TCP10L: variants seen among roughly 807,000 people sequenced by gnomAD.
The protein encoded by TCP10L is t-complex 10 like.
A neutral mutation model predicts 19.2 loss-of-function variants in TCP10L; 11 were observed. The observed-to-expected ratio is 0.57, with a 90% confidence interval of 0.36 to 0.95. The LOEUF is 0.95. Ranked by LOEUF, TCP10L falls within the 40% of genes least tolerant of loss-of-function variation. TCP10L has a pLI of 0.01. For missense variants in TCP10L, 247 were observed against 263.9 expected (o/e 0.94, Z 0.44); for synonymous variants, 96 against 97.2 (o/e 0.99, Z 0.07).
At chr21:32,579,687 G>A (rs2038470719) in intron 3 of TCP10L, among the ~76,000 whole-genome samples, 1 of 152,190 alleles carries the variant, frequency 6.6e-6, no homozygotes, top group Non-Finnish European at 1.5e-5. Flanking sequence ...GATCAAAACT[G>A]CAGGGCATGT....
In TCP10L at chr21:32,576,326, G is replaced by C. The variant is rs891435565; in HGVS notation, c.*448C>G. On this transcript the variant is annotated 3_prime_UTR_variant, in exon 5 of 5. Transcript: ENST00000300258. ...CTTCGGGAAGATGGATGCATAGCCT[G>C]GGGCAATGACAGTCACAGGCCCGCC... 4.6e-6 allele frequency: 7 copies of C among 1,523,098 alleles called. No homozygotes were observed. In the African/African-American group the frequency reaches 8.2e-5, roughly 18 times the overall value. The allele number at this position is 1,523,098 out of a possible 1,614,324, so 94.3% of individuals were successfully genotyped here. A position where few individuals can be genotyped will look rare whatever the true frequency, so the allele number is the denominator to read the frequency against.
At chr21:32,583,300 T>C (rs1369561654) in intron 2 of TCP10L, among the ~76,000 whole-genome samples, 4 of 151,490 alleles carry the variant, frequency 2.6e-5, no homozygotes, top group Non-Finnish European at 5.9e-5. Context: ...TTAAAAATTA[T>C]GGAAGCCGGC....
rs1601126508 is a variant in TCP10L, at chr21:32,582,520, C to A, written c.145-105G>T. 2.8e-6 allele frequency: 3 copies of A among 1,063,542 alleles called. No individual in the cohort carries two copies. The African/African-American group carries it at 4.8e-5, about 17-fold the overall frequency. The allele number at this position is 1,063,542 out of a possible 1,614,324, so 65.9% of individuals were successfully genotyped here. On this transcript the variant is annotated intron_variant, in intron 2 of 4. Coordinates refer to ENST00000300258, the MANE Select transcript of TCP10L (RefSeq NM_144659.7). This position sits in a 1 kb window ranked among gnomAD's most constrained non-coding sequence, Gnocchi z 4.2. ...CTCTGATGTAAGACCAACACTATTT[C>A]TGGAATAAAAGACACCCGATGAGAT...
At chr21:32,583,450 G>A (rs544050337) in intron 2 of TCP10L, among the ~76,000 whole-genome samples, 1 of 150,832 alleles carries the variant, frequency 6.6e-6, no homozygotes, top group Non-Finnish European at 1.5e-5. Context: ...TTAGCCGGGC[G>A]TAGTGGCGGG....
rs1041683467 is a variant in TCP10L at position 32,582,487 on chromosome 21, C to T, written c.145-72G>A. The stretch of plus-strand genomic sequence containing the variant: ...TGGGCACATTTATCTGCAAAATACT[C>T]AAGCCCTCTCTGATGTAAGACCAAC... On this transcript the variant is annotated intron_variant, in intron 2 of 4. Transcript: ENST00000300258. This position sits in a 1 kb window ranked among gnomAD's most constrained non-coding sequence, Gnocchi z 4.2. The T allele has an allele frequency of 9.8e-6, 14 of 1,428,338 alleles. No homozygotes were observed. Among genetic ancestry groups the T allele is most frequent in the Admixed American group, 2.1e-5 (1 of 48,384 alleles). The allele number at this position is 1,428,338 out of a possible 1,614,324, so 88.5% of individuals were successfully genotyped here. A position where few individuals can be genotyped will look rare whatever the true frequency, so the allele number is the denominator to read the frequency against.
At chr21:32,581,232 G>A (rs4547609) in intron 3 of TCP10L, among the ~76,000 whole-genome samples, 25,799 of 152,126 alleles carry the variant, frequency 0.17, 2,400 homozygotes, top group East Asian at 0.29. Flanking sequence ...GGGAGAGCCC[G>A]GTCACTGGGC....
chr21:32,582,561 A>T lies in TCP10L; in HGVS notation c.145-146T>A. The T allele has an allele frequency of 3.0e-6, 2 of 667,576 alleles. No homozygotes were observed. The highest frequency in any genetic ancestry group is 2.9e-5 in the East Asian group (1 of 34,054). The allele number at this position is 667,576 out of a possible 1,614,324, so 41.4% of individuals were successfully genotyped here. On this transcript the variant is annotated intron_variant, in intron 2 of 4. Coordinates refer to ENST00000300258, the MANE Select transcript of TCP10L (RefSeq NM_144659.7). This position sits in a 1 kb window ranked among gnomAD's most constrained non-coding sequence, Gnocchi z 4.2. Reference sequence around the variant, plus strand: ...CCGATGAGATAAACAGGACTACCACAGCCTTTTTCTTTCTTCTTTCTTTCC... The same window carrying T: ...CCGATGAGATAAACAGGACTACCACTGCCTTTTTCTTTCTTCTTTCTTTCC...
chr21:32,584,732 G>C (rs902727404), intron 1 of TCP10L, among the ~76,000 whole-genome samples: 1 of 152,046 alleles, frequency 6.6e-6, no homozygotes, highest in African/African-American at 2.4e-5. Flanking sequence ...AATGGTCTCA[G>C]GGTGTGAGCA....
chr21:32,579,562 T>C (rs1040125306), intron 3 of TCP10L, among the ~76,000 whole-genome samples: 1 of 152,228 alleles, frequency 6.6e-6, no homozygotes, highest in African/African-American at 2.4e-5. Context: ...AAATCAGGTA[T>C]GCTCTTGTGA....
intron 3 of TCP10L, among the ~76,000 whole-genome samples, chr21:32,579,604 G>A (rs545848866): frequency 1.3e-5 from 2 of 152,188 alleles, no homozygotes; most frequent in South Asian, 4.1e-4. Context: ...ATAGCCCCAC[G>A]GTGACCAGTG....
Position 32,575,735 on chromosome 21 carries a change from G to C in TCP10L, c.*1039C>G, listed in dbSNP as rs1399179945. ...TCCTGACTCAACCAGGGGCACTCTC[G>C]TCTCCTCCCCGTGAGACCCGCAATG... is the stretch of plus-strand genomic sequence containing the variant. On this transcript the variant is annotated 3_prime_UTR_variant, in exon 5 of 5. Coordinates refer to ENST00000300258, the MANE Select transcript of TCP10L (RefSeq NM_144659.7). 6.5e-6 allele frequency: 1 copy of C among 153,158 alleles called. No homozygotes were observed. The highest frequency in any genetic ancestry group is 2.4e-5 in the African/African-American group (1 of 41,472). 9.5% of individuals were successfully genotyped at this position (153,158 alleles called of 1,614,324 possible). A position where few individuals can be genotyped will look rare whatever the true frequency, so the allele number is the denominator to read the frequency against.
At chr21:32,577,629 C>T (rs2038449927) in intron 4 of TCP10L, 1 of 152,186 alleles carries the variant, frequency 6.6e-6, no homozygotes, top group Non-Finnish European at 1.5e-5. Context: ...TGACACAAAG[C>T]TGGGACAGGA....
At chr21:32,579,382 C>T (rs984812796) in intron 3 of TCP10L, among the ~76,000 whole-genome samples, 50 of 152,150 alleles carry the variant, frequency 3.3e-4, no homozygotes, top group African/African-American at 1.2e-3. Context: ...TTGCTATGAA[C>T]GAACCCTTAA....
chr21:32,584,199 C>T lies in TCP10L; in HGVS notation c.106G>A (p.Glu36Lys), dbSNP rs1332405308. 1.1e-5 allele frequency: 18 copies of T among 1,614,028 alleles called. No individual in the cohort carries two copies. The highest frequency in any genetic ancestry group is 1.7e-4 in the Middle Eastern group (1 of 6,052). Residue 36 changes from glutamate (E) to lysine (K), a missense_variant, in exon 2 of 5, where the codon GAG becomes AAG. Transcript: ENST00000300258. ...GTGTTGCAGTCCTCCGTGAGAACCT[C>T]GGCTGCCACAGCTGTCTTCTCCATG... is the stretch of plus-strand genomic sequence containing the variant. Reference protein sequence around the residue: ...AVMEKTAVAAEVLTEDCNTGE... With the variant: ...AVMEKTAVAAKVLTEDCNTGE...
rs145810413 is a variant in TCP10L at position 32,582,334 on chromosome 21, G to A, written c.226C>T (p.Arg76Trp). 35 of 1,613,950 alleles carry A rather than the reference G, an allele frequency of 2.2e-5. No individual in the cohort carries two copies. The highest frequency in any genetic ancestry group is 1.9e-4 in the African/African-American group (14 of 74,986). ...SLWADVHGKL[R>W]SHIDALREQN... is the part of the protein sequence containing the mutation. ...TCCCTCAAAGCATCTATATGACTCC[G>A]GAGTTTTCCATGAACATCAGCCCAC... is the stretch of plus-strand genomic sequence containing the variant. Residue 76 changes from arginine to tryptophan, a missense_variant, in exon 3 of 5, where the codon CGG becomes TGG. Coordinates refer to ENST00000300258, the MANE Select transcript of TCP10L (RefSeq NM_144659.7). The surrounding 1 kb of genome is among the most constrained non-coding windows in gnomAD (Gnocchi z 4.2).
rs776570174 is a variant in TCP10L at position 32,578,727 on chromosome 21, T to C, written c.465A>G (p.Gln155=). 8.1e-6 allele frequency: 13 copies of C among 1,614,034 alleles called. No individual in the cohort carries two copies. The highest frequency in any genetic ancestry group is 1.1e-5 in the Non-Finnish European group (13 of 1,180,042). The change falls in exon 4 of 5, where the codon CAA becomes CAG. Residue 155 remains glutamine (Q), a synonymous_variant. Coordinates refer to ENST00000300258, the MANE Select transcript of TCP10L (RefSeq NM_144659.7). This position sits in a 1 kb window ranked among gnomAD's most constrained non-coding sequence, Gnocchi z 4.2. ...HKNQSATLLG[Q]RSSSNNSAPP... ...GAGCTGAATTGTTAGATGACGATCT[T>C]TGTCCCAGGAGAGTGGCACTCTGAT... is the stretch of plus-strand genomic sequence containing the variant.
rs761904328 is a variant in TCP10L, at chr21:32,576,966, T to C, written c.499-43A>G. 9 of 1,570,840 alleles carry C rather than the reference T, an allele frequency of 5.7e-6. No homozygotes were observed. In the East Asian group the frequency reaches 1.8e-4, roughly 31 times the overall value. On this transcript the variant is annotated intron_variant, in intron 4 of 4. Transcript: ENST00000300258. ...AATATTTTTGCATTAGTAACAATTA[T>C]ATTATTTTTAAATGTTAAGCAACAC...
chr21:32,582,820 T>C lies in TCP10L; in HGVS notation c.145-405A>G, dbSNP rs547781184. Among the ~76,000 whole-genome samples the C allele has an allele frequency of 2.0e-5, 3 of 151,774 alleles. No individual in the cohort carries two copies. Among genetic ancestry groups the C allele is most frequent in the Admixed American group, 1.3e-4 (2 of 15,276 alleles). On this transcript the variant is annotated intron_variant, in intron 2 of 4. Transcript: ENST00000300258. This position sits in a 1 kb window ranked among gnomAD's most constrained non-coding sequence, Gnocchi z 4.2. ...GTTGCCCAGACTGGTCTCAAACTCC[T>C]GGGCTCAAGCAATCCACCTGCCTCG...
chr21:32,585,364 C>A (rs2038550372), intron 1 of TCP10L, 57 bp downstream of exon 1: 1 of 223,054 alleles, frequency 4.5e-6, no homozygotes, highest in Middle Eastern at 4.6e-4. Context: ...CTCATGACCC[C>A]CTCAGTCCAG....
Sources: gnomAD v4.1 joint callset for allele counts (sites outside exome capture counted in the v4.1 genomes callset) on GRCh38, gnomAD v4.1.1 for gene constraint, Gnocchi (gnomAD v3.1) non-coding constraint, MANE v1.5 for transcripts, NCBI Gene and HGNC (gene_info 2026-07-23, HGNC 2026-07-21) for gene names.